The following FAT3 variants were observed in gnomAD, a reference collection of about 807,000 sequenced individuals.
FAT3 encodes protocadherin Fat 3.
FAT3 carries 95 observed loss-of-function variants against 310.2 expected under a neutral mutation model. The observed-to-expected ratio is 0.31, with a 90% confidence interval of 0.26 to 0.36. The LOEUF is 0.36. Among genes scored for constraint, FAT3 ranks in the 10% least tolerant of loss-of-function variants. The probability of loss-of-function intolerance (pLI) is 1.00; values close to 1 mark genes in which losing one functional copy is unlikely to be tolerated. For missense variants in FAT3, 5,408 were observed against 5,715.6 expected (o/e 0.95, Z 1.74); for synonymous variants, 2,314 against 2,192.9 (o/e 1.06, Z -1.54).
intron 3 of FAT3, among the ~76,000 whole-genome samples, chr11:92,548,494 GA>G (rs1422280455): frequency 6.6e-6 from 1 of 152,150 alleles, no homozygotes; most frequent in East Asian, 1.9e-4. Flanking sequence ...GCAAAGAAAG[GA>G]AATTCGCAAA....
At chr11:92,459,588 A>G (rs1012215806) in intron 2 of FAT3, among the ~76,000 whole-genome samples, 2 of 152,210 alleles carry the variant, frequency 1.3e-5, no homozygotes, top group African/African-American at 4.8e-5. Context: ...TATGCCTGGA[A>G]GAAGAGGTGT....
At chr11:92,294,129 G>C (rs557181755) in intron 1 of FAT3, among the ~76,000 whole-genome samples, 7 of 151,902 alleles carry the variant, frequency 4.6e-5, no homozygotes, top group Non-Finnish European at 8.8e-5. Flanking sequence ...TTCTGATGAG[G>C]GCTCTCTTCC....
At chr11:92,809,745 C>T (rs1408208071) in intron 12 of FAT3, 98 bp from the exon 13 acceptor site, 2 of 877,458 alleles carry the variant, frequency 2.3e-6, no homozygotes, top group East Asian at 2.6e-5. Flanking sequence ...GTTAGTCCTT[C>T]CTATGTTGAG....
chr11:92,527,106 A>G (rs1030180317), intron 3 of FAT3, among the ~76,000 whole-genome samples: 7 of 152,176 alleles, frequency 4.6e-5, no homozygotes, highest in Non-Finnish European at 8.8e-5. Flanking sequence ...GGTGGGAGTG[A>G]TGGTCAGGGA....
chr11:92,662,975 A>G (rs903053189), intron 3 of FAT3, among the ~76,000 whole-genome samples: 3 of 152,084 alleles, frequency 2.0e-5, no homozygotes, highest in African/African-American at 7.2e-5. Context: ...CCGGTTCCTC[A>G]CAGACTCCAG....
chr11:92,675,274 A>C (rs1444606675), intron 3 of FAT3, among the ~76,000 whole-genome samples: 1 of 152,250 alleles, frequency 6.6e-6, no homozygotes, highest in Non-Finnish European at 1.5e-5. Flanking sequence ...AAAAGAAAAC[A>C]GTTCCTAAAT....
intron 2 of FAT3, among the ~76,000 whole-genome samples, chr11:92,410,875 T>C (rs919139838): frequency 2.6e-5 from 4 of 151,642 alleles, no homozygotes; most frequent in African/African-American, 7.3e-5. Flanking sequence ...AAGCCAAAGC[T>C]CTAATAAGGA....
Position 92,705,397 on chromosome 11 carries a change from ATGGTGGTGGTGGTGATGGTGGTAG to A in FAT3, c.3669+7975_3669+7998del, listed in dbSNP as rs1273026363. ...GATGGTGTTGGTGGTGGTGGTGGTG[ATGGTGGTGGTGGTGATGGTGGTAG>A]TGGTGGTGGTGGTGATGGTGGTGGT... On this transcript the variant is annotated intron_variant, in intron 4 of 27. Transcript: ENST00000525166. Among the ~76,000 whole-genome samples, 500 of 65,706 alleles carry A rather than the reference ATGGTGGTGGTGGTGATGGTGGTAG, an allele frequency of 7.6e-3. 4 individuals carry two copies. Among genetic ancestry groups the A allele is most frequent in the African/African-American group, 0.028 (467 of 16,824 alleles). 43.1% of individuals were successfully genotyped at this position (65,706 alleles called of 152,430 possible). A position where few individuals can be genotyped will look rare whatever the true frequency, so the allele number is the denominator to read the frequency against.
chr11:92,842,365 A>C (rs1948575119), intron 18 of FAT3, among the ~76,000 whole-genome samples: 1 of 152,142 alleles, frequency 6.6e-6, no homozygotes, highest in African/African-American at 2.4e-5. Flanking sequence ...CAGCAGCTTC[A>C]TGCCTTTCTT....
chr11:92,395,027 T>C (rs1025278245), intron 2 of FAT3, among the ~76,000 whole-genome samples: 2 of 152,188 alleles, frequency 1.3e-5, no homozygotes, highest in Admixed American at 1.3e-4. Context: ...GAATATTTGC[T>C]GAATGAATGA....
Position 92,883,522 on chromosome 11 carries a change from C to T in FAT3, c.12937+129C>T. ...CATTCGCTATGACATGTGCTGATGT[C>T]GAATGTGCACACCAGCTCTGGAAAA... On this transcript the variant is annotated intron_variant, in intron 24 of 27. Coordinates refer to ENST00000525166, the MANE Select transcript of FAT3 (RefSeq NM_001367949.2). The surrounding 1 kb of genome is among the most constrained non-coding windows in gnomAD (Gnocchi z 4.2). 8.3e-7 allele frequency: 1 copy of T among 1,209,780 alleles called. No individual in the cohort carries two copies. Among genetic ancestry groups the T allele is most frequent in the Non-Finnish European group, 1.1e-6 (1 of 882,108 alleles). 74.9% of individuals were successfully genotyped at this position (1,209,780 alleles called of 1,614,324 possible).
At chr11:92,267,071 G>A (rs1591029488) in intron 1 of FAT3, among the ~76,000 whole-genome samples, 1 of 116,304 alleles carries the variant, frequency 8.6e-6, no homozygotes, top group Non-Finnish European at 1.8e-5. Flanking sequence ...TGCCTGTCAC[G>A]CGGGTGTAGC....
intron 22 of FAT3, among the ~76,000 whole-genome samples, chr11:92,869,766 G>A (rs887237868): frequency 3.3e-5 from 5 of 152,178 alleles, no homozygotes; most frequent in African/African-American, 1.2e-4. Context: ...TCTGAGCTGT[G>A]AGTGATAGTT....
At chr11:92,869,278 G>C (rs1011915621) in intron 22 of FAT3, among the ~76,000 whole-genome samples, 1 of 152,174 alleles carries the variant, frequency 6.6e-6, no homozygotes, top group East Asian at 1.9e-4. Context: ...CCGCACCAAG[G>C]CTACTCCCAA....
chr11:92,307,929 G>A lies in FAT3; in HGVS notation c.-17-44167G>A, dbSNP rs118105311. Among the ~76,000 whole-genome samples, 18 of 152,060 alleles carry A rather than the reference G, an allele frequency of 1.2e-4. No homozygotes were observed. In the East Asian group the frequency reaches 3.5e-3, roughly 29 times the overall value. On this transcript the variant is annotated intron_variant, in intron 1 of 27. Coordinates refer to ENST00000525166, the MANE Select transcript of FAT3 (RefSeq NM_001367949.2). ...CTTTCTTTATGAACATTTTTATTGA[G>A]CTTATTCTTATGGAAATTTGATCTT...
At chr11:92,444,738 T>C (rs1335901271) in intron 2 of FAT3, among the ~76,000 whole-genome samples, 2 of 151,906 alleles carry the variant, frequency 1.3e-5, no homozygotes, top group Admixed American at 6.6e-5. Flanking sequence ...ATCAGTTTTA[T>C]AGCAGTCAGG....
intron 1 of FAT3, among the ~76,000 whole-genome samples, chr11:92,338,257 T>G (rs1591130616): frequency 1.3e-5 from 2 of 152,194 alleles, no homozygotes; most frequent in Non-Finnish European, 2.9e-5. Flanking sequence ...AGTGGCAACA[T>G]GTACACTTGG....
In FAT3 at chr11:92,353,411, G is replaced by A. The variant is rs749840160; in HGVS notation, c.1299G>A (p.Arg433=). The part of the protein sequence containing the change: ...NPRSGLIVTA[R]PLNTVKKEVY... The stretch of plus-strand genomic sequence containing the variant: ...GGTCGGGTCTGATTGTTACAGCACG[G>A]CCACTGAATACTGTTAAGAAGGAGG... Residue 433 remains arginine (R), a synonymous_variant, in exon 2 of 28, where the codon CGG becomes CGA. Transcript: ENST00000525166. The A allele has an allele frequency of 1.2e-6, 2 of 1,613,270 alleles. No homozygotes were observed. The highest frequency in any genetic ancestry group is 1.1e-5 in the South Asian group (1 of 90,988).
intron 3 of FAT3, among the ~76,000 whole-genome samples, chr11:92,560,588 A>G (rs747265424): frequency 1.1e-4 from 17 of 152,118 alleles, no homozygotes; most frequent in Non-Finnish European, 2.4e-4. Flanking sequence ...TTATATGGGC[A>G]TATTCTCTGG....
Sources: allele counts gnomAD v4.1 joint callset (sites outside exome capture counted in the v4.1 genomes callset), GRCh38; gene constraint gnomAD v4.1.1; non-coding constraint Gnocchi (gnomAD v3.1); transcripts MANE v1.5; gene names NCBI Gene and HGNC (gene_info 2026-07-23, HGNC 2026-07-21).